ADGRL2: variants seen among roughly 807,000 people sequenced by gnomAD.
The protein encoded by ADGRL2 is calcium-independent alpha-latrotoxin receptor 2.
Under a neutral mutation model 157.4 loss-of-function variants are expected in ADGRL2, and 44 were observed. The ratio of observed to expected loss-of-function variants is 0.28; its 90% CI spans 0.22 to 0.36. The LOEUF (loss-of-function observed/expected upper bound fraction) is 0.36. Ranked by LOEUF, ADGRL2 falls within the 10% of genes least tolerant of loss-of-function variation. The pLI, the probability that ADGRL2 is intolerant of heterozygous loss-of-function variation, is 1.00. For synonymous variants in ADGRL2, 585 were observed against 624.7 expected (o/e 0.94, Z 0.95); for missense variants, 1,510 against 1,768.9 (o/e 0.85, Z 2.63).
chr1:81,411,272 A>G (rs2076940662), intron 1 of ADGRL2, among the ~76,000 whole-genome samples: 1 of 152,252 alleles, frequency 6.6e-6, no homozygotes, highest in Non-Finnish European at 1.5e-5. Flanking sequence ...CTCAAACTAT[A>G]GAAAGTATTT....
chr1:81,555,796 T>C lies in ADGRL2; in HGVS notation c.-247-25080T>C, dbSNP rs138413238. Among the ~76,000 whole-genome samples the C allele has an allele frequency of 1.1e-3, 169 of 152,016 alleles. 2 individuals carry two copies. Among genetic ancestry groups the C allele is most frequent in the African/African-American group, 3.9e-3 (161 of 41,460 alleles). ...CTTCCTTAACGGAAAATGTTTTCCC[T>C]CCCAAAATGTAAAACAAAAATAATA... On this transcript the variant is annotated intron_variant, in intron 2 of 24. Transcript: ENST00000370721.
At chr1:81,508,317 G>C (rs1244000560) in intron 2 of ADGRL2, among the ~76,000 whole-genome samples, 1 of 152,186 alleles carries the variant, frequency 6.6e-6, no homozygotes, top group Non-Finnish European at 1.5e-5. Flanking sequence ...AAAGGGAATA[G>C]AGTTGTGTGT....
intron 1 of ADGRL2, among the ~76,000 whole-genome samples, chr1:81,382,057 T>C (rs1000744418): frequency 5.9e-5 from 9 of 152,200 alleles, no homozygotes; most frequent in African/African-American, 2.2e-4. Context: ...AAGAATCTTG[T>C]AGATATTCTT....
chr1:81,937,434 G>A (rs2095326507), intron 4 of ADGRL2, among the ~76,000 whole-genome samples: 1 of 151,782 alleles, frequency 6.6e-6, no homozygotes, highest in Non-Finnish European at 1.5e-5. Flanking sequence ...CCTACAGATG[G>A]ATATTTAAAA....
chr1:81,603,970 T>TC (rs113149040), intron 3 of ADGRL2, among the ~76,000 whole-genome samples: 20 of 151,062 alleles, frequency 1.3e-4, no homozygotes, highest in African/African-American at 4.9e-4. Context: ...TTTTTCTTTT[T>TC]TTTTTTTTTT....
chr1:81,451,297 T>C (rs2077698378), intron 2 of ADGRL2, among the ~76,000 whole-genome samples: 1 of 152,342 alleles, frequency 6.6e-6, no homozygotes, highest in African/African-American at 2.4e-5. Flanking sequence ...TCATTACCAA[T>C]GGTGAAATGT....
At chr1:81,427,398 G>A in intron 1 of ADGRL2, 1 of 743,746 alleles carries the variant, frequency 1.3e-6, no homozygotes, top group South Asian at 1.4e-5. Context: ...TATGGTGGTG[G>A]TGGTGGAGGA....
At position 81,950,346 on chromosome 1, in the gene ADGRL2, A is replaced by C; in HGVS notation, c.1368A>C (p.Thr456=). The C allele has an allele frequency of 6.2e-7, 1 of 1,614,086 alleles. No individual in the cohort carries two copies. The highest frequency in any genetic ancestry group is 1.1e-5 in the South Asian group (1 of 91,084). ...KGTKPPPAVS[T]TKIPPITNIF... is the part of the protein sequence containing the mutation. ...CAAAACCACCTCCAGCAGTTTCTAC[A>C]ACCAAAATTCCACCTATAACAAATA... The change falls in exon 7 of 24, where the codon ACA becomes ACC. Residue 456 remains threonine, a synonymous_variant. Transcript: ENST00000686636.
chr1:81,345,348 A>T (rs1183569045), intron 1 of ADGRL2, among the ~76,000 whole-genome samples: 2 of 152,150 alleles, frequency 1.3e-5, no homozygotes, highest in East Asian at 3.9e-4. Flanking sequence ...ATACATTGCC[A>T]TTGCATCTCA....
Position 81,912,079 on chromosome 1 carries a change from TA to T in ADGRL2, c.287+4850del, listed in dbSNP as rs573802500. Among the ~76,000 whole-genome samples, 919 of 150,030 alleles carry T rather than the reference TA, an allele frequency of 6.1e-3. 5 individuals carry two copies. Among genetic ancestry groups the T allele is most frequent in the African/African-American group, 0.021 (865 of 40,592 alleles). ...GTTTCTTTTATTTTTTTTTATTTTTTATTTTTTTTTGAGATAGGGTCTCACT... is the reference window on the plus strand; with the variant it reads ...GTTTCTTTTATTTTTTTTTATTTTTTTTTTTTTTTGAGATAGGGTCTCACT... On this transcript the variant is annotated intron_variant, in intron 3 of 23. Coordinates refer to ENST00000686636, the MANE Select transcript of ADGRL2 (RefSeq NM_001366006.2).
At chr1:81,979,396 C>A (rs2149421425) in intron 17 of ADGRL2, among the ~76,000 whole-genome samples, 1 of 151,888 alleles carries the variant, frequency 6.6e-6, no homozygotes, top group African/African-American at 2.4e-5. Context: ...TTGATCCCCA[C>A]AATTGCCTTA....
chr1:81,383,435 G>T (rs1032583713), intron 1 of ADGRL2, among the ~76,000 whole-genome samples: 2 of 150,948 alleles, frequency 1.3e-5, no homozygotes, highest in African/African-American at 2.4e-5. Flanking sequence ...AAAGAGAATG[G>T]TTATTTGAGC....
chr1:81,842,514 T>A lies in ADGRL2; in HGVS notation c.73+5457T>A, dbSNP rs12405131. Among the ~76,000 whole-genome samples the A allele has an allele frequency of 4.0e-3, 612 of 151,766 alleles. 12 individuals are homozygous for A. Among genetic ancestry groups the A allele is most frequent in the Admixed American group, 0.026 (392 of 15,228 alleles). On this transcript the variant is annotated intron_variant, in intron 2 of 23. Transcript: ENST00000686636. ...CTGGGATTACAGGCACCTGCCACCA[T>A]GCCTGTCTAACTTTTTTATTTTTAG...
intron 3 of ADGRL2, among the ~76,000 whole-genome samples, chr1:81,680,287 G>A (rs1200284595): frequency 6.6e-6 from 1 of 152,148 alleles, no homozygotes; most frequent in Non-Finnish European, 1.5e-5. Flanking sequence ...TCACTATCTA[G>A]GAATGAAAAC....
At chr1:81,376,679 C>G (rs535467618) in intron 1 of ADGRL2, among the ~76,000 whole-genome samples, 1 of 151,964 alleles carries the variant, frequency 6.6e-6, no homozygotes, top group South Asian at 2.1e-4. Flanking sequence ...TTATCCACCC[C>G]TCAATATTTT....
At position 81,379,642 on chromosome 1, in the gene ADGRL2, C is replaced by T. The variant is rs1035935316; in HGVS notation, c.-301-65394C>T. Among the ~76,000 whole-genome samples, 4 of 152,146 alleles carry T rather than the reference C, an allele frequency of 2.6e-5. No individual in the cohort carries two copies. In the South Asian group the frequency reaches 8.3e-4, roughly 32 times the overall value. On this transcript the variant is annotated intron_variant, in intron 1 of 24. Coordinates refer to the ADGRL2 transcript ENST00000370721. Reference sequence around the variant, plus strand: ...GCCCCAGCCAAACTCCACTTCCTCCCGGGCGATGGCCTGCCTGCATGCTGG... The same window carrying T: ...GCCCCAGCCAAACTCCACTTCCTCCTGGGCGATGGCCTGCCTGCATGCTGG...
intron 3 of ADGRL2, among the ~76,000 whole-genome samples, chr1:81,691,674 T>A (rs1378342291): frequency 6.6e-6 from 1 of 151,680 alleles, no homozygotes; most frequent in Non-Finnish European, 1.5e-5. Context: ...AATTTTGTAT[T>A]TTTTAATAGA....
At chr1:81,576,502 T>G (rs1224226885) in intron 2 of ADGRL2, among the ~76,000 whole-genome samples, 1 of 152,136 alleles carries the variant, frequency 6.6e-6, no homozygotes, top group African/African-American at 2.4e-5. Flanking sequence ...TTGGCAATAC[T>G]CAAATCAGAG....
At chr1:81,809,287 T>C (rs886713937) in intron 1 of ADGRL2, among the ~76,000 whole-genome samples, 2 of 152,040 alleles carry the variant, frequency 1.3e-5, no homozygotes, top group East Asian at 3.8e-4. Context: ...TTTAGTACTT[T>C]AATAAAAACA....
Sources: gnomAD v4.1 joint callset for allele counts (sites outside exome capture counted in the v4.1 genomes callset) on GRCh38, gnomAD v4.1.1 for gene constraint, MANE v1.5 for transcripts, NCBI Gene and HGNC (gene_info 2026-07-23, HGNC 2026-07-21) for gene names.